KMT2C: variants seen among roughly 807,000 people sequenced by gnomAD.
KMT2C encodes the protein histone-lysine N-methyltransferase 2C.
A neutral mutation model predicts 507.9 loss-of-function variants in KMT2C; 88 were observed. That is an observed-to-expected ratio of 0.17 (90% CI 0.15 to 0.21). The LOEUF is 0.21. Among genes scored for constraint, KMT2C ranks in the 10% least tolerant of loss-of-function variants. KMT2C has a pLI of 1.00. For synonymous variants in KMT2C, 2,049 were observed against 2,080.8 expected, an observed-to-expected ratio of 0.98 and a Z score of 0.42; for missense variants, 4,954 against 5,957.8, an observed-to-expected ratio of 0.83 and a Z score of 5.55.
intron 6 of KMT2C, among the ~76,000 whole-genome samples, chr7:152,301,989 G>A (rs936202206): frequency 1.3e-5 from 2 of 152,222 alleles, no homozygotes; most frequent in African/African-American, 4.8e-5. Context: ...CATTCTTAAT[G>A]TGAATTGCCA....
chr7:152,162,757 GTTCTT>G lies in KMT2C; in HGVS notation c.10815_10819del (p.Lys3605AsnfsTer8). 1 of 1,614,120 alleles carries G rather than the reference GTTCTT, an allele frequency of 6.2e-7. No homozygotes were observed. The highest frequency in any genetic ancestry group is 8.5e-7 in the Non-Finnish European group (1 of 1,180,008). ...ATCATCATCTCTTTTCTTCTTTCTTGTTCTTTTCTTTTTCCCTTTTTCCTCTGGGA... is the reference window on the plus strand; with the variant it reads ...ATCATCATCTCTTTTCTTCTTTCTTGTTCTTTTTCCCTTTTTCCTCTGGGA... On this transcript the variant is annotated frameshift_variant, in exon 43 of 59. Coordinates refer to ENST00000262189, the MANE Select transcript of KMT2C (RefSeq NM_170606.3). LOFTEE classifies it high-confidence loss of function.
At chr7:152,368,721 T>C in intron 1 of KMT2C, 1 of 1,195,564 alleles carries the variant, frequency 8.4e-7, no homozygotes, top group South Asian at 1.3e-5. Flanking sequence ...GACATCAGTG[T>C]TTGTTGGATC....
intron 6 of KMT2C, among the ~76,000 whole-genome samples, chr7:152,302,372 C>A (rs7780300): frequency 0.019 from 2,905 of 151,912 alleles, 34 homozygotes; most frequent in Non-Finnish European, 0.029. Context: ...TACAGGCACA[C>A]GTCACCATGC....
chr7:152,191,688 C>T (rs1293508288), intron 31 of KMT2C, among the ~76,000 whole-genome samples: 1 of 152,190 alleles, frequency 6.6e-6, no homozygotes, highest in Admixed American at 6.5e-5. Context: ...GGCTAGCTGC[C>T]TCTGCCTATT....
chr7:152,259,216 A>T (rs1019292676), intron 9 of KMT2C, among the ~76,000 whole-genome samples: 3 of 152,200 alleles, frequency 2.0e-5, no homozygotes, highest in Non-Finnish European at 2.9e-5. Context: ...GTAGGTTATG[A>T]AGGACATAAG....
rs1447969839 is a variant in KMT2C, at chr7:152,195,899, A to G, written c.4378+8T>C. 14 of 1,479,922 alleles carry G rather than the reference A, an allele frequency of 9.5e-6. No homozygotes were observed. Among genetic ancestry groups the G allele is most frequent in the Non-Finnish European group, 1.3e-5 (14 of 1,061,970 alleles). The allele number at this position is 1,479,922 out of a possible 1,614,324, so 91.7% of individuals were successfully genotyped here. A position where few individuals can be genotyped will look rare whatever the true frequency, so the allele number is the denominator to read the frequency against. On this transcript the variant is annotated splice_region_variant and intron_variant, in intron 28 of 58. Coordinates refer to ENST00000262189, the MANE Select transcript of KMT2C (RefSeq NM_170606.3). ...ACCAGAAAAAGGGTAAACAGTATTC[A>G]TATATACCTGAATGATCAACTGATT...
intron 1 of KMT2C, among the ~76,000 whole-genome samples, chr7:152,399,185 A>G (rs1001079027): frequency 8.5e-5 from 13 of 152,284 alleles, no homozygotes; most frequent in African/African-American, 2.4e-4. Context: ...AGCTGCTATT[A>G]TATTTCTACA....
At chr7:152,262,326 C>T (rs2095794630) in intron 9 of KMT2C, among the ~76,000 whole-genome samples, 1 of 152,208 alleles carries the variant, frequency 6.6e-6, no homozygotes, top group Non-Finnish European at 1.5e-5. Context: ...CCATGCAGCA[C>T]CTGAGGGTCA....
In KMT2C at chr7:152,307,270, G is replaced by A. The variant is rs865846973; in HGVS notation, c.849+2696C>T. Among the ~76,000 whole-genome samples the A allele has an allele frequency of 1.0e-3, 99 of 97,748 alleles. 1 individual carries two copies. The East Asian group carries it at 0.011, about 10-fold the overall frequency. 64.1% of individuals were successfully genotyped at this position (97,748 alleles called of 152,430 possible). Reference sequence around the variant, plus strand: ...GGAAGGACGGTAGGAAGGAAGGAAGGAAGAAAGAAAGGAAGGAAGGAAGGA... The same window carrying A: ...GGAAGGACGGTAGGAAGGAAGGAAGAAAGAAAGAAAGGAAGGAAGGAAGGA... On this transcript the variant is annotated intron_variant, in intron 6 of 58. Coordinates refer to ENST00000262189, the MANE Select transcript of KMT2C (RefSeq NM_170606.3).
chr7:152,367,115 A>G, intron 1 of KMT2C: 1 of 923,080 alleles, frequency 1.1e-6, no homozygotes, highest in South Asian at 1.4e-5. Flanking sequence ...CAGGAAGAGA[A>G]GAGTGTGGTC....
intron 3 of KMT2C, among the ~76,000 whole-genome samples, chr7:152,328,065 A>G (rs1316381517): frequency 1.3e-5 from 2 of 152,174 alleles, no homozygotes; most frequent in East Asian, 1.9e-4. Flanking sequence ...GCCCACCAAC[A>G]AAGTGCGTGT....
chr7:152,198,769 A>G (rs2094041421), intron 27 of KMT2C, among the ~76,000 whole-genome samples: 1 of 152,188 alleles, frequency 6.6e-6, no homozygotes. Context: ...ATGCTGTTAA[A>G]CATCCTTCTA....
In KMT2C at chr7:152,163,208, C is replaced by T. The variant is rs765906762; in HGVS notation, c.10369G>A (p.Asp3457Asn). Reference sequence around the variant, plus strand: ...GGTTGCATAAAATCACAAGGTAAGTCGGAACTGTAGAAGGGAATCTGGGAC... The same window carrying T: ...GGTTGCATAAAATCACAAGGTAAGTTGGAACTGTAGAAGGGAATCTGGGAC... The part of the protein sequence containing the change: ...SVSQIPFYSS[D>N]LPCDFMQPLG... Residue 3457 changes from aspartate (D) to asparagine (N), a missense_variant, in exon 43 of 59, where the codon GAC becomes AAC. Asp to Asn is a conservative substitution (Grantham distance 23). Around this residue, in one of 29 missense-constraint regions of KMT2C, gnomAD observed 801 missense variants for 751.2 expected, o/e 1.07. Coordinates refer to ENST00000262189, the MANE Select transcript of KMT2C (RefSeq NM_170606.3). 1.1e-5 allele frequency: 17 copies of T among 1,614,014 alleles called. No homozygotes were observed. In the Admixed American group the frequency reaches 1.3e-4, roughly 13 times the overall value.
At chr7:152,215,948 T>G (rs1300492352) in intron 23 of KMT2C, among the ~76,000 whole-genome samples, 1 of 152,170 alleles carries the variant, frequency 6.6e-6, no homozygotes, top group Non-Finnish European at 1.5e-5. Flanking sequence ...GAATTAACAT[T>G]ACAGAAAGTA....
At chr7:152,428,710 C>A (rs576149261) in intron 1 of KMT2C, among the ~76,000 whole-genome samples, 2 of 152,166 alleles carry the variant, frequency 1.3e-5, no homozygotes, top group South Asian at 4.1e-4. Flanking sequence ...CAAATAGCAA[C>A]CATCAGCCAG....
Position 152,138,945 on chromosome 7 carries a change from T to G in KMT2C, c.14535-41A>C. On this transcript the variant is annotated intron_variant, in intron 57 of 58. Coordinates refer to ENST00000262189, the MANE Select transcript of KMT2C (RefSeq NM_170606.3). The surrounding 1 kb of genome is among the most constrained non-coding windows in gnomAD (Gnocchi z 4.2). The stretch of plus-strand genomic sequence containing the variant: ...TCAGAAAACTGTATTGTAAAACAGC[T>G]AGAAGCAGCTTTAAAAACTTCCCAT... 2 of 1,462,572 alleles carry G rather than the reference T, an allele frequency of 1.4e-6. No homozygotes were observed. The highest frequency in any genetic ancestry group is 1.9e-6 in the Non-Finnish European group (2 of 1,042,938). 90.6% of individuals were successfully genotyped at this position (1,462,572 alleles called of 1,614,324 possible).
At chr7:152,140,509 A>G (rs1269844900) in intron 55 of KMT2C, among the ~76,000 whole-genome samples, 1 of 152,198 alleles carries the variant, frequency 6.6e-6, no homozygotes, top group Non-Finnish European at 1.5e-5. Context: ...TACTAACAAA[A>G]TATGGGTCTT....
chr7:152,366,994 C>A (rs144626300), intron 1 of KMT2C: 532 of 563,932 alleles, frequency 9.4e-4, no homozygotes, highest in African/African-American at 8.4e-3. Flanking sequence ...CAGCCCCGGC[C>A]GCACCCTTGC....
intron 2 of KMT2C, among the ~76,000 whole-genome samples, chr7:152,331,785 A>G (rs191998662): frequency 1.4e-3 from 207 of 149,582 alleles, no homozygotes; most frequent in African/African-American, 4.8e-3. Context: ...AATAGCTGGG[A>G]TGACAGGCGC....
Sources: allele counts gnomAD v4.1 joint callset (sites outside exome capture counted in the v4.1 genomes callset), GRCh38; gene constraint gnomAD v4.1.1; regional missense constraint gnomAD v4.1.1; non-coding constraint Gnocchi (gnomAD v3.1); transcripts MANE v1.5; gene names NCBI Gene and HGNC (gene_info 2026-07-23, HGNC 2026-07-21).